The following NALCN variants were observed in gnomAD, a reference collection of about 807,000 sequenced individuals.
NALCN encodes the protein sodium leak channel NALCN.
Under a neutral mutation model 225.3 loss-of-function variants are expected in NALCN, and 111 were observed. That is an observed-to-expected ratio of 0.49 (90% CI 0.42 to 0.58). NALCN has a LOEUF of 0.58. NALCN is among the 20% of genes least tolerant of loss of function. NALCN has a pLI of 0.00. For synonymous variants in NALCN, 764 were observed against 769.0 expected (o/e 0.99, Z 0.11); for missense variants, 1,378 against 2,202.4 (o/e 0.63, Z 7.49).
chr13:101,136,739 A>G (rs2036818869), intron 17 of NALCN, among the ~76,000 whole-genome samples: 1 of 152,142 alleles, frequency 6.6e-6, no homozygotes, highest in Admixed American at 6.5e-5. Flanking sequence ...GGTCTTTGCT[A>G]TTGTGAACAG....
intron 6 of NALCN, among the ~76,000 whole-genome samples, chr13:101,345,737 A>AAT (rs10560892): frequency 0.039 from 3,384 of 86,536 alleles, 145 homozygotes; most frequent in East Asian, 0.07. Context: ...CAGCAAAGAG[A>AAT]ATATATATAT....
chr13:101,227,040 G>A (rs772826434), intron 13 of NALCN, among the ~76,000 whole-genome samples: 2 of 152,076 alleles, frequency 1.3e-5, no homozygotes, highest in African/African-American at 4.8e-5. Flanking sequence ...CAACACCTCC[G>A]GACGCTGGAG....
chr13:101,060,280 T>G (rs1056743799), intron 41 of NALCN, among the ~76,000 whole-genome samples: 1 of 137,172 alleles, frequency 7.3e-6, no homozygotes, highest in Admixed American at 7.0e-5. Context: ...TTTCTGTTTT[T>G]TTTTTTTTTT....
At chr13:101,119,065 T>C (rs751733417) in intron 18 of NALCN, among the ~76,000 whole-genome samples, 1 of 152,204 alleles carries the variant, frequency 6.6e-6, no homozygotes, top group Non-Finnish European at 1.5e-5. Flanking sequence ...GCAAATGGTG[T>C]GAAATGCCTG....
At chr13:101,287,504 T>C (rs1056822726) in intron 9 of NALCN, among the ~76,000 whole-genome samples, 1 of 152,224 alleles carries the variant, frequency 6.6e-6, no homozygotes, top group Non-Finnish European at 1.5e-5. Context: ...TGTCATTTTT[T>C]ACATGCAAAG....
At chr13:101,155,308 C>A (rs906386780) in intron 15 of NALCN, among the ~76,000 whole-genome samples, 1 of 152,160 alleles carries the variant, frequency 6.6e-6, no homozygotes, top group African/African-American at 2.4e-5. Flanking sequence ...TTCGTCTGAT[C>A]CAGGAGCTCA....
intron 37 of NALCN, among the ~76,000 whole-genome samples, chr13:101,071,153 AT>A (rs1171515415): frequency 2.0e-5 from 3 of 152,108 alleles, no homozygotes; most frequent in Non-Finnish European, 2.9e-5. Flanking sequence ...TCAAGATGAG[AT>A]TTGGGTGGGG....
chr13:101,154,580 C>T (rs1050416419), intron 15 of NALCN, among the ~76,000 whole-genome samples: 3 of 152,174 alleles, frequency 2.0e-5, no homozygotes, highest in Non-Finnish European at 2.9e-5. Flanking sequence ...GTGTGCTTTT[C>T]CCCTACTAGC....
chr13:101,252,892 G>A (rs1389400676), intron 11 of NALCN, among the ~76,000 whole-genome samples: 1 of 134,160 alleles, frequency 7.5e-6, no homozygotes, highest in African/African-American at 2.6e-5. Context: ...GAAGAATTGA[G>A]ATAAAAGAAG....
chr13:101,316,272 A>T (rs1566567805), intron 7 of NALCN, among the ~76,000 whole-genome samples: 1 of 152,186 alleles, frequency 6.6e-6, no homozygotes, highest in South Asian at 2.1e-4. Flanking sequence ...AATAGATTAA[A>T]TTATGTACTA....
At chr13:101,273,122 A>G (rs1469192186) in intron 10 of NALCN, among the ~76,000 whole-genome samples, 1 of 152,126 alleles carries the variant, frequency 6.6e-6, no homozygotes, top group Non-Finnish European at 1.5e-5. Flanking sequence ...GACTTTCCTC[A>G]TGGTAATAGA....
At chr13:101,383,651 T>G (rs2139443413) in intron 3 of NALCN, among the ~76,000 whole-genome samples, 1 of 152,350 alleles carries the variant, frequency 6.6e-6, no homozygotes, top group African/African-American at 2.4e-5. Flanking sequence ...TTAATATTTC[T>G]TAATGAATGC....
intron 1 of NALCN, 41 bp from the exon 2 acceptor site, chr13:101,399,206 T>C (rs2047397839): frequency 1.3e-6 from 2 of 1,521,638 alleles, no homozygotes; most frequent in African/African-American, 1.4e-5. Flanking sequence ...TAAACCATCT[T>C]GCCCTCATCA....
rs561544233 is a variant in NALCN, at chr13:101,133,671, T to C, written c.2119-8990A>G. Among the ~76,000 whole-genome samples the C allele has an allele frequency of 2.1e-3, 325 of 152,284 alleles. 1 individual carries two copies. Among genetic ancestry groups the C allele is most frequent in the Non-Finnish European group, 4.0e-3 (269 of 68,026 alleles). On this transcript the variant is annotated intron_variant, in intron 17 of 43. Transcript: ENST00000251127. ...ACAGATCATGTGTGTGGCAAGATGTTTCTATAAAATAAACTTTCTCTGGAA... is the reference window on the plus strand; with the variant it reads ...ACAGATCATGTGTGTGGCAAGATGTCTCTATAAAATAAACTTTCTCTGGAA...
Position 101,395,937 on chromosome 13 carries a change from A to G in NALCN, c.109-572T>C, listed in dbSNP as rs140293395. On this transcript the variant is annotated intron_variant, in intron 2 of 43. Transcript: ENST00000251127. Reference sequence around the variant, plus strand: ...ATCCCATATTTAGAATTTCCTTTCTATTTGTATCTGATATATAATGCCTTT... The same window carrying G: ...ATCCCATATTTAGAATTTCCTTTCTGTTTGTATCTGATATATAATGCCTTT... Among the ~76,000 whole-genome samples, 487 of 152,282 alleles carry G rather than the reference A, an allele frequency of 3.2e-3. 1 individual carries two copies. The highest frequency in any genetic ancestry group is 0.011 in the African/African-American group (469 of 41,572).
intron 13 of NALCN, among the ~76,000 whole-genome samples, chr13:101,199,668 A>T (rs71439695): frequency 0.27 from 24,729 of 92,736 alleles, 2,844 homozygotes; most frequent in East Asian, 0.38. Context: ...GGGAGGGGGG[A>T]GGGATAGCAT....
intron 11 of NALCN, among the ~76,000 whole-genome samples, chr13:101,255,378 T>A (rs563838867): frequency 6.6e-6 from 1 of 152,310 alleles, no homozygotes; most frequent in South Asian, 2.1e-4. Flanking sequence ...AGAATTCCCT[T>A]CCCTGCTGTT....
At position 101,060,074 on chromosome 13, in the gene NALCN, G is replaced by T. The variant is rs2274085; in HGVS notation, c.4756-107C>A. 0.48 allele frequency: 599,887 copies of T among 1,252,102 alleles called. 146,161 individuals carry two copies. The highest frequency in any genetic ancestry group is 0.55 in the East Asian group (22,249 of 40,462). The allele number at this position is 1,252,102 out of a possible 1,614,324, so 77.6% of individuals were successfully genotyped here. A position where few individuals can be genotyped will look rare whatever the true frequency, so the allele number is the denominator to read the frequency against. ...TCCCCTCTCCTAAGACCTGCATGAC[G>T]GGTGACCTCTTAGGAATTTCCAAGT... On this transcript the variant is annotated intron_variant, in intron 41 of 43. Coordinates refer to ENST00000251127, the MANE Select transcript of NALCN (RefSeq NM_052867.4).
At chr13:101,096,263 T>C (rs1475996998) in intron 27 of NALCN, among the ~76,000 whole-genome samples, 1 of 152,132 alleles carries the variant, frequency 6.6e-6, no homozygotes, top group Non-Finnish European at 1.5e-5. Flanking sequence ...CTATAGAAAC[T>C]TGTATAAAAT....
Sources: gnomAD v4.1 joint callset for allele counts (sites outside exome capture counted in the v4.1 genomes callset) on GRCh38, gnomAD v4.1.1 for gene constraint, MANE v1.5 for transcripts, NCBI Gene and HGNC (gene_info 2026-07-23, HGNC 2026-07-21) for gene names.